The following CNOT7 variants were observed in gnomAD, a reference collection of about 807,000 sequenced individuals.
CNOT7 encodes the protein BTG1-binding factor 1.
CNOT7 carries 4 observed loss-of-function variants against 37.1 expected under a neutral mutation model. The observed-to-expected ratio is 0.11, with a 90% CI of 0.05 to 0.25. The LOEUF is 0.25. CNOT7 is among the 10% of genes least tolerant of loss of function. The pLI is 1.00. For synonymous variants in CNOT7, 128 were observed against 115.6 expected, an observed-to-expected ratio of 1.11 and a Z score of -0.69; for missense variants, 170 against 336.2, an observed-to-expected ratio of 0.51 and a Z score of 3.87.
At chr8:17,232,260 G>T in intron 6 of CNOT7, 167 bp downstream of exon 6, 1 of 1,458,780 alleles carries the variant, frequency 6.9e-7, no homozygotes, top group Non-Finnish European at 9.0e-7. Context: ...TACATTTCAA[G>T]ATGACTTATT....
At chr8:17,240,989 G>A (rs747319342) in intron 3 of CNOT7, among the ~76,000 whole-genome samples, 3 of 152,152 alleles carry the variant, frequency 2.0e-5, no homozygotes, top group Non-Finnish European at 4.4e-5. Context: ...AATTTCTGTT[G>A]GGCTGCATTC....
intron 6 of CNOT7, chr8:17,231,859 T>A (rs1808667023): frequency 1.0e-6 from 1 of 985,780 alleles, no homozygotes; most frequent in Admixed American, 6.1e-5. Context: ...CTGATGCAAC[T>A]ACTACGTTGG....
intron 4 of CNOT7, among the ~76,000 whole-genome samples, chr8:17,236,929 T>C (rs1262547483): frequency 1.3e-5 from 2 of 152,168 alleles, no homozygotes; most frequent in East Asian, 1.9e-4. Flanking sequence ...GTAACACCAA[T>C]TCCAAATGGC....
At position 17,230,533 on chromosome 8, in the gene CNOT7, T is replaced by C. The variant is rs1808480809; in HGVS notation, c.*187A>G. The C allele has an allele frequency of 2.6e-6, 1 of 386,984 alleles. No homozygotes were observed. Among genetic ancestry groups the C allele is most frequent in the Non-Finnish European group, 4.6e-6 (1 of 218,834 alleles). The allele number at this position is 386,984 out of a possible 1,614,324, so 24.0% of individuals were successfully genotyped here. A position where few individuals can be genotyped will look rare whatever the true frequency, so the allele number is the denominator to read the frequency against. On this transcript the variant is annotated 3_prime_UTR_variant, in exon 7 of 7. Transcript: ENST00000361272. ...AGGCCAAATTTAACCTGAATGCGTT[T>C]TTTTTTTTCTTTTTATTAAGATCTG...
chr8:17,233,370 ATTAGGT>A (rs1808891701), intron 5 of CNOT7, among the ~76,000 whole-genome samples: 1 of 152,208 alleles, frequency 6.6e-6, no homozygotes, highest in African/African-American at 2.4e-5. Context: ...TAGCACGAGG[ATTAGGT>A]ATCGTTAGCA....
chr8:17,239,745 G>A (rs182748872), intron 3 of CNOT7, among the ~76,000 whole-genome samples: 11 of 152,198 alleles, frequency 7.2e-5, no homozygotes, highest in Non-Finnish European at 1.2e-4. Context: ...CGCCCGCCTC[G>A]GCCTCCCAAA....
chr8:17,238,674 C>A (rs905832523), intron 3 of CNOT7, among the ~76,000 whole-genome samples: 1 of 152,216 alleles, frequency 6.6e-6, no homozygotes, highest in African/African-American at 2.4e-5. Flanking sequence ...TCCAGGTGCA[C>A]ATCATTCTTG....
At chr8:17,233,431 T>A (rs1808900594) in intron 5 of CNOT7, among the ~76,000 whole-genome samples, 1 of 152,194 alleles carries the variant, frequency 6.6e-6, no homozygotes, top group Non-Finnish European at 1.5e-5. Flanking sequence ...ACAGCATGGC[T>A]GACTATAGGT....
intron 1 of CNOT7, chr8:17,246,118 C>T (rs774392903): frequency 6.6e-6 from 1 of 152,182 alleles, no homozygotes; most frequent in Non-Finnish European, 1.5e-5. Context: ...CACACATAAG[C>T]ACAAAAACAC....
At chr8:17,236,871 G>A (rs1333134602) in intron 4 of CNOT7, among the ~76,000 whole-genome samples, 3 of 152,192 alleles carry the variant, frequency 2.0e-5, no homozygotes, top group African/African-American at 4.8e-5. Context: ...GGTTTCCCCC[G>A]TAGAACATTA....
intron 3 of CNOT7, among the ~76,000 whole-genome samples, chr8:17,238,630 A>G (rs953265487): frequency 7.9e-5 from 12 of 152,196 alleles, no homozygotes; most frequent in Admixed American, 2.6e-4. Flanking sequence ...CTTAGCAACT[A>G]TAAGCAATGA....
chr8:17,235,911 C>T lies in CNOT7; in HGVS notation c.474-1051G>A, dbSNP rs1358565021. Among the ~76,000 whole-genome samples the T allele has an allele frequency of 2.0e-5, 3 of 152,070 alleles. No homozygotes were observed. The East Asian group carries it at 5.8e-4, about 29-fold the overall frequency. On this transcript the variant is annotated intron_variant, in intron 4 of 6. Transcript: ENST00000361272. Reference sequence around the variant, plus strand: ...CTGTTTGTTTTTGTTCATCTTAATACCCAGTGCCTAGTGCACTGTATTTTG... The same window carrying T: ...CTGTTTGTTTTTGTTCATCTTAATATCCAGTGCCTAGTGCACTGTATTTTG...
chr8:17,231,198 T>G (rs1455891116), intron 6 of CNOT7, among the ~76,000 whole-genome samples: 1 of 152,114 alleles, frequency 6.6e-6, no homozygotes, highest in Non-Finnish European at 1.5e-5. Flanking sequence ...AAAAAAAGTT[T>G]AGGTTCATAA....
At chr8:17,234,464 G>C (rs1809067533) in intron 5 of CNOT7, 1 of 430,362 alleles carries the variant, frequency 2.3e-6, no homozygotes. Flanking sequence ...CTGGCAAGCA[G>C]TGACAAGAAC....
chr8:17,234,959 G>A (rs1809144791), intron 4 of CNOT7, 99 bp from the exon 5 acceptor site: 5 of 976,852 alleles, frequency 5.1e-6, no homozygotes, highest in Non-Finnish European at 5.9e-6. Context: ...AGTCACACTA[G>A]AGCCCTCCCA....
Position 17,228,588 on chromosome 8 carries a change from G to C in CNOT7, c.*2132C>G, listed in dbSNP as rs1256577714. 1 of 151,880 alleles carries C rather than the reference G, an allele frequency of 6.6e-6. No individual in the cohort carries two copies. The highest frequency in any genetic ancestry group is 1.5e-5 in the Non-Finnish European group (1 of 67,840). 9.4% of individuals were successfully genotyped at this position (151,880 alleles called of 1,614,324 possible). Reference sequence around the variant, plus strand: ...AGTAGAAACTATAACCCCATCTTTGGTCCTAAGGCGCTCCTAAACTTTTGA... The same window carrying C: ...AGTAGAAACTATAACCCCATCTTTGCTCCTAAGGCGCTCCTAAACTTTTGA... On this transcript the variant is annotated 3_prime_UTR_variant, in exon 7 of 7. Coordinates refer to ENST00000361272, the MANE Select transcript of CNOT7 (RefSeq NM_013354.7).
chr8:17,232,825 G>A (rs907864890), intron 5 of CNOT7, among the ~76,000 whole-genome samples: 1 of 152,144 alleles, frequency 6.6e-6, no homozygotes, highest in African/African-American at 2.4e-5. Flanking sequence ...GAAGGAAGCA[G>A]ACCACATATA....
intron 6 of CNOT7, chr8:17,231,607 T>C (rs1157878465): frequency 1.0e-6 from 1 of 985,256 alleles, no homozygotes; most frequent in Non-Finnish European, 1.2e-6. Flanking sequence ...AGAGAAAATA[T>C]ACTCAAATCC....
intron 6 of CNOT7, chr8:17,231,656 A>G (rs1808631230): frequency 1.0e-6 from 1 of 985,332 alleles, no homozygotes; most frequent in Non-Finnish European, 1.2e-6. Context: ...TATAGTCAAG[A>G]AAAACCTCAC....
Sources: allele counts gnomAD v4.1 joint callset (sites outside exome capture counted in the v4.1 genomes callset), GRCh38; gene constraint gnomAD v4.1.1; transcripts MANE v1.5; gene names NCBI Gene and HGNC (gene_info 2026-07-23, HGNC 2026-07-21).